The following BCLAF3 variants were observed in gnomAD, a reference collection of about 807,000 sequenced individuals.
BCLAF3 encodes transient octamer binding factor 1.
In BCLAF3, 24 loss-of-function variants were observed where a neutral mutation model predicts 51.2. That is an observed-to-expected ratio of 0.47 (90% CI 0.34 to 0.66). BCLAF3 has a LOEUF of 0.66. Ranked by LOEUF, BCLAF3 falls within the 30% of genes least tolerant of loss-of-function variation. The pLI is 0.01. For missense variants in BCLAF3, 465 were observed against 525.1 expected, an observed-to-expected ratio of 0.89 and a Z score of 1.12; for synonymous variants, 152 against 176.6, an observed-to-expected ratio of 0.86 and a Z score of 1.10.
At chrX:19,922,675 AT>A (rs1175005046) in intron 11 of BCLAF3, among the ~76,000 whole-genome samples, 1 of 111,583 alleles carries the variant, frequency 9.0e-6, no homozygotes, top group Non-Finnish European at 1.9e-5. Context: ...AGGTGGGCAG[AT>A]CACTTGAGGT....
At chrX:19,984,846 C>T (rs957298264) in intron 1 of BCLAF3, among the ~76,000 whole-genome samples, 2 of 110,686 alleles carry the variant, frequency 1.8e-5, no homozygotes, top group Non-Finnish European at 3.8e-5. Flanking sequence ...CCACCACGCC[C>T]GGCTAATTTT....
At position 19,946,884 on chromosome X, in the gene BCLAF3, C is replaced by T. The variant is rs181613489; in HGVS notation, c.1745+3869G>A. Among the ~76,000 whole-genome samples, 433 of 112,278 alleles carry T rather than the reference C, an allele frequency of 3.9e-3. 2 individuals carry two copies. The highest frequency in any genetic ancestry group is 0.013 in the African/African-American group (404 of 30,937). ...ATTTTTTAAAAGTCATAAGTGTACT[C>T]CATGATCACCCTAAATAAAACCATA... On this transcript the variant is annotated intron_variant, in intron 8 of 11. Coordinates refer to ENST00000379682, the MANE Select transcript of BCLAF3 (RefSeq NM_001367774.2).
chrX:19,981,766 G>T (rs1431402729), intron 1 of BCLAF3, among the ~76,000 whole-genome samples: 1 of 111,784 alleles, frequency 8.9e-6, no homozygotes, highest in African/African-American at 3.2e-5. Flanking sequence ...AAAGAAGCCA[G>T]TCACAAAAGA....
chrX:19,988,388 G>A (rs2072868302), intron 1 of BCLAF3, among the ~76,000 whole-genome samples: 1 of 111,914 alleles, frequency 8.9e-6, no homozygotes, highest in Admixed American at 9.6e-5. Context: ...GGGGCAAAGG[G>A]TATCAGAGAA....
chrX:19,981,519 T>A (rs1480316717), intron 1 of BCLAF3, among the ~76,000 whole-genome samples: 4 of 112,082 alleles, frequency 3.6e-5, no homozygotes. Flanking sequence ...TGGAAAAGTT[T>A]GGCAGTTCCC....
chrX:19,955,374 G>T lies in BCLAF3; in HGVS notation c.1450+17C>A, dbSNP rs1324247922. 36 of 1,170,386 alleles carry T rather than the reference G, an allele frequency of 3.1e-5. No individual in the cohort carries two copies. The highest frequency in any genetic ancestry group is 3.8e-5 in the Non-Finnish European group (33 of 873,390). ...TACTTTTGTGTTATCCCTAACGTAT[G>T]TGCAAAATATACCAACCTTTAACTT... On this transcript the variant is annotated intron_variant, in intron 5 of 11. Coordinates refer to ENST00000379682, the MANE Select transcript of BCLAF3 (RefSeq NM_001367774.2).
chrX:19,940,284 T>A (rs909687606), intron 8 of BCLAF3, among the ~76,000 whole-genome samples: 38 of 109,531 alleles, frequency 3.5e-4, no homozygotes, highest in Middle Eastern at 4.7e-3. Context: ...TTATTTTTTT[T>A]TTTTTATTAT....
At chrX:19,933,729 T>C (rs1336658314) in intron 10 of BCLAF3, among the ~76,000 whole-genome samples, 1 of 112,226 alleles carries the variant, frequency 8.9e-6, no homozygotes, top group Non-Finnish European at 1.9e-5. Flanking sequence ...TTTGAACTAG[T>C]CCAATTCATG....
At chrX:19,924,320 A>G (rs1423204585) in intron 11 of BCLAF3, among the ~76,000 whole-genome samples, 3 of 111,384 alleles carry the variant, frequency 2.7e-5, no homozygotes, top group South Asian at 3.8e-4. Context: ...AAATGCTTAC[A>G]TTTTAAAAGA....
chrX:19,945,144 C>A (rs1289717708), intron 8 of BCLAF3, among the ~76,000 whole-genome samples: 1 of 110,817 alleles, frequency 9.0e-6, no homozygotes, highest in Non-Finnish European at 1.9e-5. Flanking sequence ...TTAAGCAGTT[C>A]TCTGTATTGG....
intron 8 of BCLAF3, among the ~76,000 whole-genome samples, chrX:19,937,846 G>A (rs757618457): frequency 8.9e-6 from 1 of 112,222 alleles, no homozygotes; most frequent in African/African-American, 3.2e-5. Flanking sequence ...TGTGAAATGT[G>A]TGTTTTGAGG....
chrX:19,981,140 T>C (rs2072599129), intron 1 of BCLAF3, among the ~76,000 whole-genome samples: 1 of 110,722 alleles, frequency 9.0e-6, no homozygotes, highest in South Asian at 3.8e-4. Flanking sequence ...CAACACCGGG[T>C]GCTGAGACAA....
intron 1 of BCLAF3, among the ~76,000 whole-genome samples, chrX:19,990,140 A>AG (rs1161663266): frequency 9.9e-6 from 1 of 100,532 alleles, no homozygotes; most frequent in Non-Finnish European, 2.0e-5. Context: ...AATTTGTTCC[A>AG]GGAAAAAAAA....
Position 19,930,919 on chromosome X carries a change from T to A in BCLAF3, c.1951-979A>T, listed in dbSNP as rs138041719. 6.2e-5 allele frequency among the ~76,000 whole-genome samples: 7 copies of A among 112,568 alleles called. No homozygotes were observed. In the East Asian group the frequency reaches 1.9e-3, roughly 31 times the overall value. On this transcript the variant is annotated intron_variant, in intron 10 of 11. Transcript: ENST00000379682. ...CTAACAAAATAAAATGTTCAGAACCTCTAATGAACTAAAATTATTCTTCTG... is the reference window on the plus strand; with the variant it reads ...CTAACAAAATAAAATGTTCAGAACCACTAATGAACTAAAATTATTCTTCTG...
In BCLAF3 at chrX:19,916,562, A is replaced by AAAAGTCATATTTTT. The variant is rs2069942463; in HGVS notation, c.*742_*743insAAAAATATGACTTT. The AAAAGTCATATTTTT allele has an allele frequency of 8.9e-6, 1 of 112,720 alleles. No homozygotes were observed. Among genetic ancestry groups the AAAAGTCATATTTTT allele is most frequent in the African/African-American group, 3.2e-5 (1 of 31,009 alleles). 9.3% of individuals were successfully genotyped at this position (112,720 alleles called of 1,213,427 possible). ...TTGTCAGATTTTTAAAAAGCCTTTA[A>AAAAGTCATATTTTT]AAATATGATATGCACAAGCTTGCCC... On this transcript the variant is annotated 3_prime_UTR_variant, in exon 12 of 12. Coordinates refer to ENST00000379682, the MANE Select transcript of BCLAF3 (RefSeq NM_001367774.2).
At chrX:19,974,006 T>C (rs1275349461) in intron 1 of BCLAF3, among the ~76,000 whole-genome samples, 3 of 112,195 alleles carry the variant, frequency 2.7e-5, no homozygotes, top group Non-Finnish European at 3.8e-5. Context: ...CTAGGTGAAC[T>C]GTACATGGTA....
intron 1 of BCLAF3, among the ~76,000 whole-genome samples, chrX:19,982,589 A>G (rs968895114): frequency 1.8e-5 from 2 of 109,677 alleles, no homozygotes; most frequent in Non-Finnish European, 3.8e-5. Flanking sequence ...ACACACGCAC[A>G]CACACACACA....
intron 4 of BCLAF3, among the ~76,000 whole-genome samples, chrX:19,958,170 G>A (rs1488228843): frequency 2.7e-5 from 3 of 111,749 alleles, no homozygotes; most frequent in Non-Finnish European, 5.6e-5. Flanking sequence ...CACTTTCCCC[G>A]TTTATTTTTC....
Position 19,965,174 on chromosome X carries a change from C to G in BCLAF3, c.1144G>C (p.Glu382Gln). 1 of 1,207,792 alleles carries G rather than the reference C, an allele frequency of 8.3e-7. No homozygotes were observed. The highest frequency in any genetic ancestry group is 1.1e-6 in the Non-Finnish European group (1 of 894,642). Residue 382 changes from glutamate to glutamine, a missense_variant, in exon 4 of 12, where the codon GAG becomes CAG. Transcript: ENST00000379682. ...AGTTGGTTACTGGAAGAATTGCTCTCTTTTCTACAATCCCCTTCTTTCTTT... is the reference window on the plus strand; with the variant it reads ...AGTTGGTTACTGGAAGAATTGCTCTGTTTTCTACAATCCCCTTCTTTCTTT... The part of the protein sequence containing the change: ...KIKKEGDCRK[E>Q]SNSSSNQLDK...
Sources: allele counts gnomAD v4.1 joint callset (sites outside exome capture counted in the v4.1 genomes callset), GRCh38; gene constraint gnomAD v4.1.1; transcripts MANE v1.5; gene names NCBI Gene and HGNC (gene_info 2026-07-23, HGNC 2026-07-21).